The following STK32B variants were observed in gnomAD, a reference collection of about 807,000 sequenced individuals.
STK32B encodes serine/threonine-protein kinase 32B.
In STK32B, 43 loss-of-function variants were observed where a neutral mutation model predicts 52.6. The observed-to-expected ratio is 0.82, with a 90% CI of 0.64 to 1.05. The LOEUF (loss-of-function observed/expected upper bound fraction) is 1.05, where lower values mean the gene tolerates loss of function less well. Ranked by LOEUF, STK32B falls within the 50% of genes least tolerant of loss-of-function variation. The pLI is 0.00. For synonymous variants in STK32B, 238 were observed against 204.3 expected, an observed-to-expected ratio of 1.17 and a Z score of -1.41; for missense variants, 621 against 534.6, an observed-to-expected ratio of 1.16 and a Z score of -1.59.
Position 5,499,295 on chromosome 4 carries a change from C to G in STK32B, c.*212C>G. On this transcript the variant is annotated 3_prime_UTR_variant, in exon 12 of 12. Transcript: ENST00000282908. ...GACAAGTCACGCCCTCTCTGTGCCT[C>G]CGTTTTCTGCATCTGCCAAAGGGGT... 1.9e-6 allele frequency: 1 copy of G among 520,422 alleles called. No homozygotes were observed. Among genetic ancestry groups the G allele is most frequent in the South Asian group, 6.8e-5 (1 of 14,798 alleles). 32.2% of individuals were successfully genotyped at this position (520,422 alleles called of 1,614,324 possible).
rs1717495291 is a variant in STK32B, at chr4:5,467,043, C to G, written c.1041+209C>G. Among the ~76,000 whole-genome samples the G allele has an allele frequency of 6.6e-6, 1 of 151,944 alleles. No homozygotes were observed. The highest frequency in any genetic ancestry group is 2.4e-5 in the African/African-American group (1 of 41,350). ...CTCCTGGCATTCCTTGAGCGCTATT[C>G]CTACAGCAGGAAGCTTGTGTAGCTC... On this transcript the variant is annotated intron_variant, in intron 10 of 11. Transcript: ENST00000282908. The surrounding 1 kb of genome is among the most constrained non-coding windows in gnomAD (Gnocchi z 5.8).
Position 5,206,284 on chromosome 4 carries a change from C to T in STK32B, c.260+37834C>T, listed in dbSNP as rs187313121. On this transcript the variant is annotated intron_variant, in intron 3 of 11. Transcript: ENST00000282908. The stretch of plus-strand genomic sequence containing the variant: ...ATCTTCCTTTTCACTCCTGATTCCC[C>T]TCCACAGTAGGATGGTCCTAGGACA... 3.1e-3 allele frequency among the ~76,000 whole-genome samples: 478 copies of T among 152,320 alleles called. 4 individuals carry two copies. Among genetic ancestry groups the T allele is most frequent in the African/African-American group, 0.011 (456 of 41,574 alleles).
At chr4:5,328,937 G>A (rs1489415836) in intron 3 of STK32B, among the ~76,000 whole-genome samples, 1 of 152,196 alleles carries the variant, frequency 6.6e-6, no homozygotes, top group African/African-American at 2.4e-5. Flanking sequence ...GCCGGGCGCG[G>A]TGGCTCATGC....
At chr4:5,035,673 A>T in the STK32B span, among the ~76,000 whole-genome samples, 4 of 152,182 alleles carry the variant, frequency 2.6e-5, no homozygotes, top group Non-Finnish European at 5.9e-5. Context: ...CCCAGCAGAG[A>T]TGTGCATGCA....
Position 5,460,889 on chromosome 4 carries a change from A to T in STK32B, c.909+661A>T, listed in dbSNP as rs191173339. 1.4e-4 allele frequency among the ~76,000 whole-genome samples: 21 copies of T among 152,344 alleles called. No individual in the cohort carries two copies. In the East Asian group the frequency reaches 4.1e-3, roughly 29 times the overall value. ...CACACCAAAAAGGCTTCCAGAGGCC[A>T]CGGTCAAAGTTTTAGGTTTTGTCCC... On this transcript the variant is annotated intron_variant, in intron 9 of 11. Transcript: ENST00000282908. This position sits in a 1 kb window ranked among gnomAD's most constrained non-coding sequence, Gnocchi z 4.8.
intron 5 of STK32B, among the ~76,000 whole-genome samples, chr4:5,401,628 A>C (rs916194264): frequency 6.6e-6 from 1 of 152,164 alleles, no homozygotes; most frequent in African/African-American, 2.4e-5. Context: ...CATTGAGGTA[A>C]AATAGAGTGA....
chr4:5,293,137 C>G (rs1203432489), intron 3 of STK32B, among the ~76,000 whole-genome samples: 1 of 152,064 alleles, frequency 6.6e-6, no homozygotes. Flanking sequence ...TTTTTTATGG[C>G]TGAATAGTAT....
At chr4:5,303,357 T>G (rs1418536643) in intron 3 of STK32B, among the ~76,000 whole-genome samples, 1 of 152,166 alleles carries the variant, frequency 6.6e-6, no homozygotes, top group African/African-American at 2.4e-5. Context: ...ATTTTTTGAT[T>G]TTTTGATTAT....
chr4:5,057,872 T>C (rs1408718946), intron 1 of STK32B, among the ~76,000 whole-genome samples: 1 of 152,230 alleles, frequency 6.6e-6, no homozygotes, highest in Non-Finnish European at 1.5e-5. Flanking sequence ...AGGGATATTC[T>C]GGTTTACAGA....
chr4:5,160,919 G>C (rs1444174484), intron 2 of STK32B, among the ~76,000 whole-genome samples: 4 of 152,198 alleles, frequency 2.6e-5, no homozygotes, highest in Non-Finnish European at 5.9e-5. Context: ...GCCTGAAGGA[G>C]GCAAGGGCCC....
At chr4:5,446,799 A>G (rs1715489901) in intron 7 of STK32B, 23 bp downstream of exon 7, 1 of 1,611,000 alleles carries the variant, frequency 6.2e-7, no homozygotes, top group Non-Finnish European at 8.5e-7. Flanking sequence ...CCTGTGCGGT[A>G]CACACGAGGG....
intron 1 of STK32B, among the ~76,000 whole-genome samples, chr4:5,099,085 A>G (rs750390446): frequency 2.4e-4 from 36 of 152,120 alleles, no homozygotes; most frequent in Admixed American, 2.0e-4. Context: ...GGGAGAACCT[A>G]TTCATTGGTT....
At chr4:5,357,981 A>G (rs1188321335) in intron 4 of STK32B, among the ~76,000 whole-genome samples, 2 of 152,204 alleles carry the variant, frequency 1.3e-5, no homozygotes, top group Non-Finnish European at 2.9e-5. Context: ...AGACATGCAG[A>G]TGTGTCATTT....
At chr4:5,037,906 T>C in the STK32B span, among the ~76,000 whole-genome samples, 2 of 152,056 alleles carry the variant, frequency 1.3e-5, no homozygotes, top group African/African-American at 4.8e-5. Flanking sequence ...TGGGCACATG[T>C]TTTTTGGGTG....
At chr4:5,132,828 C>T (rs1715859788) in intron 1 of STK32B, among the ~76,000 whole-genome samples, 1 of 150,618 alleles carries the variant, frequency 6.6e-6, no homozygotes, top group African/African-American at 2.4e-5. Flanking sequence ...GAGTCTTGCT[C>T]TGTTACCCAG....
intron 4 of STK32B, among the ~76,000 whole-genome samples, chr4:5,344,018 G>A (rs951134517): frequency 2.0e-5 from 3 of 152,178 alleles, no homozygotes; most frequent in African/African-American, 7.2e-5. Context: ...AATGAAGGCT[G>A]TTCAGAGTCT....
At chr4:5,139,488 G>A in intron 1 of STK32B, 1 of 186,844 alleles carries the variant, frequency 5.4e-6, no homozygotes. Context: ...AAGGCTGAGT[G>A]TGCAGAAGGA....
At chr4:5,413,517 A>G (rs1258584062) in intron 5 of STK32B, among the ~76,000 whole-genome samples, 1 of 152,226 alleles carries the variant, frequency 6.6e-6, no homozygotes, top group Non-Finnish European at 1.5e-5. Context: ...GACACTGTCC[A>G]AAGACAAAGG....
chr4:5,350,129 G>T (rs1733731613), intron 4 of STK32B, among the ~76,000 whole-genome samples: 1 of 152,034 alleles, frequency 6.6e-6, no homozygotes, highest in South Asian at 2.1e-4. Context: ...AAAGGTCCTG[G>T]CATAGATACA....
Sources: allele counts gnomAD v4.1 joint callset (sites outside exome capture counted in the v4.1 genomes callset), GRCh38; gene constraint gnomAD v4.1.1; non-coding constraint Gnocchi (gnomAD v3.1); transcripts MANE v1.5; gene names NCBI Gene and HGNC (gene_info 2026-07-23, HGNC 2026-07-21).